Variants in GATAD2A observed in about 807,000 individuals in gnomAD.
GATAD2A encodes the protein GATA zinc finger domain containing 2A, also known as transcriptional repressor p66-alpha.
A neutral mutation model predicts 68.5 loss-of-function variants in GATAD2A; 12 were observed. The ratio of observed to expected loss-of-function variants is 0.18; its 90% CI spans 0.11 to 0.28. GATAD2A has a LOEUF of 0.28. Ranked by LOEUF, GATAD2A falls within the 10% of genes least tolerant of loss-of-function variation. The pLI is 1.00. For missense variants in GATAD2A, 755 were observed against 868.5 expected, an observed-to-expected ratio of 0.87 and a Z score of 1.64; for synonymous variants, 410 against 375.3, an observed-to-expected ratio of 1.09 and a Z score of -1.07.
intron 5 of GATAD2A, 120 bp from the exon 6 acceptor site, chr19:19,495,634 T>TAAAAAAAAA: frequency 3.7e-6 from 2 of 547,258 alleles, no homozygotes; most frequent in South Asian, 3.4e-5. Flanking sequence ...CTCTGCTACT[T>TAAAAAAAAA]AAAAAAAAAA....
chr19:19,406,661 TTTC>T (rs763096304), intron 1 of GATAD2A, among the ~76,000 whole-genome samples: 17 of 152,286 alleles, frequency 1.1e-4, no homozygotes, highest in Non-Finnish European at 1.6e-4. Flanking sequence ...GCTCCATTGA[TTTC>T]TTTTTTCCCA....
At chr19:19,412,244 C>T (rs916888056) in intron 1 of GATAD2A, among the ~76,000 whole-genome samples, 21 of 151,786 alleles carry the variant, frequency 1.4e-4, no homozygotes, top group African/African-American at 4.4e-4. Flanking sequence ...CAAGCTCCGC[C>T]TCCGGGGTTC....
At chr19:19,501,075 CGT>C in intron 8 of GATAD2A, 41 bp from the exon 9 acceptor site, 1 of 1,554,422 alleles carries the variant, frequency 6.4e-7, no homozygotes, top group South Asian at 1.2e-5. Context: ...CCCTGACTGT[CGT>C]CCTGGCCCTC....
At chr19:19,392,643 G>C (rs1279617366) in intron 1 of GATAD2A, among the ~76,000 whole-genome samples, 1 of 151,302 alleles carries the variant, frequency 6.6e-6, no homozygotes, top group African/African-American at 2.4e-5. Context: ...ACCTGCCTCA[G>C]CCTCCCAAAG....
intron 1 of GATAD2A, among the ~76,000 whole-genome samples, chr19:19,387,327 T>C (rs1286265529): frequency 1.4e-5 from 2 of 145,492 alleles, no homozygotes; most frequent in East Asian, 4.0e-4. Flanking sequence ...TCCCCCTTTC[T>C]TTTTTTTTTT....
intron 1 of GATAD2A, among the ~76,000 whole-genome samples, chr19:19,430,284 C>T (rs1351538867): frequency 6.6e-6 from 1 of 152,196 alleles, no homozygotes; most frequent in Non-Finnish European, 1.5e-5. Context: ...AGCCTGACTT[C>T]TGGGCTTCCT....
chr19:19,457,077 C>G (rs2057001040), intron 1 of GATAD2A: 1 of 985,062 alleles, frequency 1.0e-6, no homozygotes, highest in African/African-American at 1.7e-5. Flanking sequence ...CGATCCAGTC[C>G]TTCAACTCAG....
intron 2 of GATAD2A, among the ~76,000 whole-genome samples, chr19:19,475,450 G>C (rs893191140): frequency 6.6e-6 from 1 of 150,390 alleles, no homozygotes; most frequent in East Asian, 2.0e-4. Flanking sequence ...AGGGGGCTCC[G>C]GAGCGGGGTA....
intron 1 of GATAD2A, among the ~76,000 whole-genome samples, chr19:19,398,202 C>CTTAT (rs1266674034): frequency 7.5e-5 from 11 of 147,548 alleles, no homozygotes; most frequent in Non-Finnish European, 1.0e-4. Flanking sequence ...TGCTAACCGC[C>CTTAT]TTATTTATTT....
chr19:19,419,239 G>A (rs147941006), intron 1 of GATAD2A, among the ~76,000 whole-genome samples: 138 of 152,346 alleles, frequency 9.1e-4, no homozygotes, highest in Non-Finnish European at 1.4e-3. Flanking sequence ...ATGCATGTGT[G>A]TCACAATGAA....
At chr19:19,450,426 C>G (rs936038566) in intron 1 of GATAD2A, among the ~76,000 whole-genome samples, 3 of 152,136 alleles carry the variant, frequency 2.0e-5, no homozygotes, top group Non-Finnish European at 2.9e-5. Flanking sequence ...TGCTCACCCC[C>G]TCTTCAGGGA....
chr19:19,443,960 T>C (rs537638508), intron 1 of GATAD2A, among the ~76,000 whole-genome samples: 6 of 152,202 alleles, frequency 3.9e-5, no homozygotes, highest in African/African-American at 1.2e-4. Flanking sequence ...CACACTCTTA[T>C]TTTCTGTAAT....
At position 19,412,536 on chromosome 19, in the gene GATAD2A, A is replaced by G. The variant is rs377458619; in HGVS notation, c.-7+6517A>G. 5.9e-5 allele frequency among the ~76,000 whole-genome samples: 9 copies of G among 151,426 alleles called. No individual in the cohort carries two copies. In the South Asian group the frequency reaches 1.0e-3, roughly 18 times the overall value. On this transcript the variant is annotated intron_variant, in intron 1 of 11. Transcript: ENST00000683918. ...AGGCCCTGCTACTTGCGAGGCTGAG[A>G]TGGGAGGATCGGTTGAGCCTGGGAG...
At position 19,494,393 on chromosome 19, in the gene GATAD2A, C is replaced by CT. The variant is rs770396919; in HGVS notation, c.624+13dup. 6.5e-7 allele frequency: 1 copy of CT among 1,543,622 alleles called. No homozygotes were observed. Among genetic ancestry groups the CT allele is most frequent in the Non-Finnish European group, 9.0e-7 (1 of 1,116,156 alleles). On this transcript the variant is annotated intron_variant, in intron 5 of 11. Coordinates refer to ENST00000683918, the MANE Select transcript of GATAD2A (RefSeq NM_001384528.1). ...CAAGCCATCACTCCAGGTCAGTGTC[C>CT]TTTCTGCGTCTCACTGGGTGCCCTG...
At chr19:19,423,311 C>T (rs2052659044) in intron 1 of GATAD2A, among the ~76,000 whole-genome samples, 1 of 152,256 alleles carries the variant, frequency 6.6e-6, no homozygotes. Context: ...TGGCCTATTT[C>T]TCTCTTAATT....
At chr19:19,400,234 C>T (rs1264598198) in intron 1 of GATAD2A, among the ~76,000 whole-genome samples, 2 of 151,886 alleles carry the variant, frequency 1.3e-5, no homozygotes, top group East Asian at 2.0e-4. Flanking sequence ...CATTTGTGCT[C>T]AGAACCCTGG....
At chr19:19,477,804 C>T (rs535284944) in intron 2 of GATAD2A, among the ~76,000 whole-genome samples, 3 of 152,082 alleles carry the variant, frequency 2.0e-5, no homozygotes, top group Admixed American at 6.5e-5. Flanking sequence ...TTCCTAGTCC[C>T]GGAGACCAGC....
chr19:19,407,666 G>T (rs2050436094), intron 1 of GATAD2A, among the ~76,000 whole-genome samples: 1 of 152,204 alleles, frequency 6.6e-6, no homozygotes, highest in East Asian at 1.9e-4. Flanking sequence ...GGATAATCTG[G>T]TGACATGGGG....
chr19:19,501,148 C>T lies in GATAD2A; in HGVS notation c.1235C>T (p.Ser412Phe). The T allele has an allele frequency of 1.2e-6, 2 of 1,613,024 alleles. No homozygotes were observed. Among genetic ancestry groups the T allele is most frequent in the Non-Finnish European group, 1.7e-6 (2 of 1,179,688 alleles). Residue 412 changes from serine (S) to phenylalanine (F), a missense_variant, in exon 9 of 12, where the codon TCC becomes TTC. Physicochemically the swap from Ser to Phe is radical, Grantham distance 155. Coordinates refer to ENST00000683918, the MANE Select transcript of GATAD2A (RefSeq NM_001384528.1). ...AGRMSAATVL[S>F]REPYMCAQCK... ...AGGATGTCGGCCGCCACTGTGCTGT[C>T]CCGGGAGCCCTACATGTGTGCACAG...
Sources: allele counts gnomAD v4.1 joint callset (sites outside exome capture counted in the v4.1 genomes callset), GRCh38; gene constraint gnomAD v4.1.1; transcripts MANE v1.5; gene names NCBI Gene and HGNC (gene_info 2026-07-23, HGNC 2026-07-21).